DNAH3: variants seen among roughly 807,000 people sequenced by gnomAD.
DNAH3 encodes dynein axonemal heavy chain 3, also known as axonemal beta dynein heavy chain 3.
In DNAH3, 332 loss-of-function variants were observed where a neutral mutation model predicts 432.5. The ratio of observed to expected loss-of-function variants is 0.77; its 90% CI spans 0.70 to 0.84. DNAH3 has a LOEUF of 0.84. Ranked by LOEUF, DNAH3 falls within the 40% of genes least tolerant of loss-of-function variation. DNAH3 has a pLI of 0.00. For synonymous variants in DNAH3, 1,956 were observed against 1,900.2 expected (o/e 1.03, Z -0.76); for missense variants, 4,861 against 5,114.0 (o/e 0.95, Z 1.51).
At chr16:21,025,422 T>C (rs1017862672) in intron 38 of DNAH3, among the ~76,000 whole-genome samples, 6 of 147,938 alleles carry the variant, frequency 4.1e-5, no homozygotes, top group Admixed American at 2.7e-4. Context: ...ATATAGTATA[T>C]ATTAGTATAT....
exon 53 of DNAH3, chr16:20,964,307 T>C: frequency 1.2e-6 from 2 of 1,614,174 alleles, no homozygotes; most frequent in Non-Finnish European, 1.7e-6. Flanking sequence ...ATCATGAAGT[T>C]GAGGAGACAG....
At chr16:21,087,925 G>A (rs1161829191) in intron 18 of DNAH3, among the ~76,000 whole-genome samples, 3 of 152,074 alleles carry the variant, frequency 2.0e-5, no homozygotes, top group Non-Finnish European at 4.4e-5. Flanking sequence ...AAAGCAAAAA[G>A]TAACACCTCA....
At chr16:20,944,767 G>T in intron 57 of DNAH3, 104 bp from the exon 58 acceptor site, 1 of 1,023,278 alleles carries the variant, frequency 9.8e-7, no homozygotes, top group Non-Finnish European at 1.5e-6. Context: ...TACTGTATCA[G>T]TAGCACAGGA....
chr16:21,060,282 C>A (rs758617135), exon 26 of DNAH3: 1 of 1,614,060 alleles, frequency 6.2e-7, no homozygotes, highest in East Asian at 2.2e-5. Context: ...ATGCTTCAAT[C>A]CCAAGTCCAA....
chr16:20,988,733 G>A (rs1388132780), intron 44 of DNAH3, among the ~76,000 whole-genome samples: 1 of 152,234 alleles, frequency 6.6e-6, no homozygotes, highest in Non-Finnish European at 1.5e-5. Context: ...TAGTCTCACT[G>A]ACTTCAAAAA....
chr16:21,067,433 A>G lies in DNAH3; in HGVS notation c.3382-14T>C. ...GTTATCTTTCACCTGGGTTCCATCA[A>G]AAAAAGTGAGACTCATCATAAGGTT... On this transcript the variant is annotated splice_polypyrimidine_tract_variant and intron_variant, in intron 23 of 61. Transcript: ENST00000261383. 2 of 1,613,348 alleles carry G rather than the reference A, an allele frequency of 1.2e-6. No homozygotes were observed. Among genetic ancestry groups the G allele is most frequent in the East Asian group, 2.2e-5 (1 of 44,834 alleles).
chr16:21,080,767 C>T (rs893749318), intron 20 of DNAH3, among the ~76,000 whole-genome samples: 1 of 151,456 alleles, frequency 6.6e-6, no homozygotes, highest in Non-Finnish European at 1.5e-5. Context: ...TGCAACATCT[C>T]CCCACCCATC....
Position 21,095,200 on chromosome 16 carries a change from C to A in DNAH3, c.2665+2155G>T, listed in dbSNP as rs57697400. 8.6e-3 allele frequency among the ~76,000 whole-genome samples: 1,311 copies of A among 152,280 alleles called. 16 individuals are homozygous for A. The highest frequency in any genetic ancestry group is 0.03 in the African/African-American group (1,255 of 41,550). ...CAAATATACTTTAAATATAATTCAGCAATCCACTGCTGGGCATTTACCCTA... is the reference window on the plus strand; with the variant it reads ...CAAATATACTTTAAATATAATTCAGAAATCCACTGCTGGGCATTTACCCTA... On this transcript the variant is annotated intron_variant, in intron 18 of 61. Coordinates refer to ENST00000261383, the Ensembl canonical transcript of DNAH3.
exon 14 of DNAH3, chr16:21,111,733 G>C (rs1291118950): frequency 3.7e-6 from 6 of 1,614,056 alleles, no homozygotes; most frequent in Non-Finnish European, 5.1e-6. Context: ...CATCAAGGCA[G>C]AACATGGCTA....
intron 10 of DNAH3, among the ~76,000 whole-genome samples, chr16:21,121,662 C>T (rs1429022895): frequency 5.4e-5 from 8 of 148,418 alleles, no homozygotes; most frequent in African/African-American, 1.7e-4. Context: ...AGTGCGGTGA[C>T]GCCATCTCAG....
chr16:20,973,792 G>A (rs565364088), intron 51 of DNAH3, among the ~76,000 whole-genome samples: 3 of 152,166 alleles, frequency 2.0e-5, no homozygotes, highest in Admixed American at 6.5e-5. Context: ...TTTATTCCAC[G>A]CCTACAACAC....
chr16:21,139,474 C>T (rs184272885), intron 5 of DNAH3, among the ~76,000 whole-genome samples: 1 of 151,058 alleles, frequency 6.6e-6, no homozygotes, highest in African/African-American at 2.4e-5. Context: ...GGTTGTGAAT[C>T]CCTCCCCCTA....
At chr16:21,110,431 C>T (rs556647595) in intron 14 of DNAH3, among the ~76,000 whole-genome samples, 24 of 152,068 alleles carry the variant, frequency 1.6e-4, no homozygotes, top group Admixed American at 2.0e-4. Context: ...GATAGGAATC[C>T]GGGAGGATGT....
At chr16:21,118,003 T>A (rs578258963) in intron 11 of DNAH3, among the ~76,000 whole-genome samples, 1 of 152,168 alleles carries the variant, frequency 6.6e-6, no homozygotes, top group Non-Finnish European at 1.5e-5. Flanking sequence ...TTGTTTTGTT[T>A]TTTTGAGACA....
chr16:20,958,961 T>C (rs555395517), intron 54 of DNAH3, among the ~76,000 whole-genome samples: 51 of 152,250 alleles, frequency 3.3e-4, no homozygotes, highest in African/African-American at 1.2e-3. Flanking sequence ...AGAGACAGTG[T>C]TTTGCAATGT....
intron 16 of DNAH3, 75 bp from the exon 17 acceptor site, chr16:21,098,844 C>T: frequency 6.8e-7 from 1 of 1,473,726 alleles, no homozygotes; most frequent in Non-Finnish European, 9.1e-7. Flanking sequence ...ACTGCTTGCC[C>T]ATATTTAAGC....
In DNAH3 at chr16:21,003,175, CTTGT is replaced by C; in HGVS notation, c.6051_6054del (p.Gln2018LeufsTer42). On this transcript the variant is annotated frameshift_variant, in exon 42 of 62. Transcript: ENST00000261383. LOFTEE classifies it high-confidence loss of function. ...GTCCACGTTTCCCAATGTCCACTAGCTTGTTTGATAAAATAAAAATCATAGATGC... is the reference window on the plus strand; with the variant it reads ...GTCCACGTTTCCCAATGTCCACTAGCTTGATAAAATAAAAATCATAGATGC... 1 of 1,610,598 alleles carries C rather than the reference CTTGT, an allele frequency of 6.2e-7. No homozygotes were observed. Among genetic ancestry groups the C allele is most frequent in the Non-Finnish European group, 8.5e-7 (1 of 1,179,230 alleles).
intron 61 of DNAH3, 32 bp from the exon 62 acceptor site, chr16:20,933,539 C>G (rs2083484284): frequency 6.6e-7 from 1 of 1,517,248 alleles, no homozygotes; most frequent in African/African-American, 1.4e-5. Flanking sequence ...AGCTCCATTG[C>G]CTGCCATTTT....
At chr16:20,959,155 G>A in intron 54 of DNAH3, 24 bp downstream of exon 54, 1 of 1,609,406 alleles carries the variant, frequency 6.2e-7, no homozygotes, top group Non-Finnish European at 8.5e-7. Flanking sequence ...TCCCAGAGAA[G>A]GCAGTGGTGG....
Sources: gnomAD v4.1 joint callset for allele counts (sites outside exome capture counted in the v4.1 genomes callset) on GRCh38, gnomAD v4.1.1 for gene constraint, MANE v1.5 for transcripts, NCBI Gene and HGNC (gene_info 2026-07-23, HGNC 2026-07-21) for gene names.